Variants in MCTP2 observed in about 807,000 individuals in gnomAD.
MCTP2 encodes multiple C2 and transmembrane domain-containing protein 2.
MCTP2 carries 132 observed loss-of-function variants against 111.6 expected under a neutral mutation model. That is an observed-to-expected ratio of 1.18 (90% CI 1.03 to 1.37). The LOEUF (loss-of-function observed/expected upper bound fraction) is 1.37, where lower values mean the gene tolerates loss of function less well. Among genes scored for constraint, MCTP2 ranks in the 40% most tolerant of loss-of-function variants. The probability of loss-of-function intolerance (pLI) is 0.00; values close to 1 mark genes in which losing one functional copy is unlikely to be tolerated. For synonymous variants in MCTP2, 395 were observed against 387.7 expected, an observed-to-expected ratio of 1.02 and a Z score of -0.22; for missense variants, 1,183 against 1,067.9, an observed-to-expected ratio of 1.11 and a Z score of -1.50.
rs2074674767 is a variant in MCTP2 at position 94,480,535 on chromosome 15, A to C, written c.*1501A>C. On this transcript the variant is annotated 3_prime_UTR_variant, in exon 23 of 23. Coordinates refer to ENST00000357742, the MANE Select transcript of MCTP2 (RefSeq NM_001385001.1). ...GAAAAGAGCCTTGCAGAAATTATAAAAGCTCCAGTAAATCTCGTAGTTGTA... is the reference window on the plus strand; with the variant it reads ...GAAAAGAGCCTTGCAGAAATTATAACAGCTCCAGTAAATCTCGTAGTTGTA... 2 of 152,212 alleles carry C rather than the reference A, an allele frequency of 1.3e-5. No individual in the cohort carries two copies. Among genetic ancestry groups the C allele is most frequent in the Admixed American group, 6.5e-5 (1 of 15,272 alleles). 9.4% of individuals were successfully genotyped at this position (152,212 alleles called of 1,614,324 possible).
intron 1 of MCTP2, among the ~76,000 whole-genome samples, chr15:94,254,531 G>T (rs2072644340): frequency 6.6e-6 from 1 of 152,194 alleles, no homozygotes; most frequent in South Asian, 2.1e-4. Context: ...CCTGCACTTA[G>T]TCACTGCCAA....
chr15:94,243,897 A>G (rs111217965), intron 1 of MCTP2, among the ~76,000 whole-genome samples: 23 of 142,836 alleles, frequency 1.6e-4, no homozygotes, highest in African/African-American at 4.8e-4. Context: ...ACATATATGT[A>G]TACACATACA....
intron 8 of MCTP2, among the ~76,000 whole-genome samples, chr15:94,349,689 A>G (rs574344394): frequency 6.6e-5 from 10 of 152,036 alleles, no homozygotes; most frequent in South Asian, 4.2e-4. Context: ...GCGTGGTGGC[A>G]TGCGCCTGTA....
chr15:94,310,124 A>C (rs534356695), intron 2 of MCTP2, among the ~76,000 whole-genome samples: 1 of 152,334 alleles, frequency 6.6e-6, no homozygotes, highest in Non-Finnish European at 1.5e-5. Flanking sequence ...CCAGGATGGA[A>C]CACTACTCAG....
chr15:94,245,228 ATATG>A (rs1291131660), intron 1 of MCTP2, among the ~76,000 whole-genome samples: 7 of 143,644 alleles, frequency 4.9e-5, no homozygotes, highest in South Asian at 2.2e-4. Flanking sequence ...GTATATATAC[ATATG>A]TATGTATATA....
At chr15:94,441,400 T>A (rs977646680) in intron 18 of MCTP2, among the ~76,000 whole-genome samples, 1 of 152,224 alleles carries the variant, frequency 6.6e-6, no homozygotes, top group Non-Finnish European at 1.5e-5. Flanking sequence ...TTATAGATAA[T>A]GGAAATTTTT....
At chr15:94,459,735 A>G (rs79677084) in intron 20 of MCTP2, among the ~76,000 whole-genome samples, 1,989 of 152,304 alleles carry the variant, frequency 0.013, 50 homozygotes, top group African/African-American at 0.044. Context: ...TCACTCAACT[A>G]TCAGTTATTG....
intron 10 of MCTP2, among the ~76,000 whole-genome samples, chr15:94,365,558 C>T (rs544440306): frequency 6.6e-5 from 10 of 152,232 alleles, no homozygotes; most frequent in South Asian, 2.1e-4. Context: ...CTTAAACAGT[C>T]GCTAGGAAAA....
intron 1 of MCTP2, among the ~76,000 whole-genome samples, chr15:94,284,043 G>C (rs1363247986): frequency 6.6e-6 from 1 of 152,146 alleles, no homozygotes; most frequent in African/African-American, 2.4e-5. Context: ...ACTGCATCAG[G>C]AATATAAATT....
Position 94,339,397 on chromosome 15 carries a change from C to A in MCTP2, c.745C>A (p.Pro249Thr). The A allele has an allele frequency of 1.2e-6, 2 of 1,609,414 alleles. No homozygotes were observed. The highest frequency in any genetic ancestry group is 2.2e-5 in the South Asian group (2 of 90,442). ...NPVWDEIVVL[P>T]IQSLDQKLRV... ...AGTATGGGATGAGATAGTTGTATTGCCAATCCAAAGCCTTGATCAAAAGCT... is the reference window on the plus strand; with the variant it reads ...AGTATGGGATGAGATAGTTGTATTGACAATCCAAAGCCTTGATCAAAAGCT... The change falls in exon 5 of 23, where the codon CCA (proline) becomes ACA (threonine). Residue 249 changes from proline to threonine, a missense_variant. Transcript: ENST00000357742.
intron 11 of MCTP2, among the ~76,000 whole-genome samples, chr15:94,368,328 GTCC>G (rs1468281793): frequency 2.6e-5 from 4 of 152,188 alleles, no homozygotes; most frequent in Non-Finnish European, 5.9e-5. Context: ...GAGCTTAACA[GTCC>G]ACTCAGCATT....
chr15:94,418,948 T>C (rs1049208636), intron 17 of MCTP2, among the ~76,000 whole-genome samples: 1 of 152,124 alleles, frequency 6.6e-6, no homozygotes, highest in Non-Finnish European at 1.5e-5. Context: ...CTAATTTATA[T>C]TTAATATTAA....
chr15:94,313,710 A>C lies in MCTP2; in HGVS notation c.466-572A>C, dbSNP rs564289058. ...AGTGAGACTCTGTCTAAAAAAAAAA[A>C]CAAACAAACAAATACTGGGAAACAT... On this transcript the variant is annotated intron_variant, in intron 2 of 22. Coordinates refer to ENST00000357742, the MANE Select transcript of MCTP2 (RefSeq NM_001385001.1). Among the ~76,000 whole-genome samples, 13 of 151,104 alleles carry C rather than the reference A, an allele frequency of 8.6e-5. No homozygotes were observed. In the East Asian group the frequency reaches 1.7e-3, roughly 20 times the overall value.
chr15:94,448,129 A>C (rs2084228829), intron 19 of MCTP2, among the ~76,000 whole-genome samples: 1 of 152,172 alleles, frequency 6.6e-6, no homozygotes, highest in Non-Finnish European at 1.5e-5. Context: ...TCCGCTGGCA[A>C]ATCAACTTGC....
At chr15:94,345,037 C>T (rs1174677574) in intron 7 of MCTP2, 92 bp from the exon 8 acceptor site, 23 of 1,399,928 alleles carry the variant, frequency 1.6e-5, no homozygotes, top group Non-Finnish European at 1.9e-5. Flanking sequence ...GTAACCTGGA[C>T]CATCTAACAT....
intron 19 of MCTP2, among the ~76,000 whole-genome samples, chr15:94,449,034 A>T (rs2084287085): frequency 6.6e-6 from 1 of 152,186 alleles, no homozygotes; most frequent in South Asian, 2.1e-4. Context: ...GCGAGACTCC[A>T]TCTCAAAATA....
At chr15:94,458,963 C>T (rs1212334207) in intron 20 of MCTP2, among the ~76,000 whole-genome samples, 1 of 152,216 alleles carries the variant, frequency 6.6e-6, no homozygotes, top group African/African-American at 2.4e-5. Flanking sequence ...TTGCCACCCC[C>T]ATCTTAGGAC....
chr15:94,389,803 C>T (rs72751316), intron 14 of MCTP2, among the ~76,000 whole-genome samples: 18,073 of 151,410 alleles, frequency 0.12, 1,224 homozygotes, highest in African/African-American at 0.13. Flanking sequence ...AGTTATAAAC[C>T]GTAACTTGAT....
At chr15:94,256,357 C>G (rs546334167) in intron 1 of MCTP2, among the ~76,000 whole-genome samples, 1 of 152,266 alleles carries the variant, frequency 6.6e-6, no homozygotes, top group African/African-American at 2.4e-5. Context: ...CAGAAATACT[C>G]TGGTCCCAAG....
Sources: allele counts gnomAD v4.1 joint callset (sites outside exome capture counted in the v4.1 genomes callset), GRCh38; gene constraint gnomAD v4.1.1; transcripts MANE v1.5; gene names NCBI Gene and HGNC (gene_info 2026-07-23, HGNC 2026-07-21).